GTF2A2: variants seen among roughly 807,000 people sequenced by gnomAD.
GTF2A2 encodes the protein general transcription factor IIA subunit 2.
A neutral mutation model predicts 14.3 loss-of-function variants in GTF2A2; 9 were observed. The ratio of observed to expected loss-of-function variants is 0.63; its 90% confidence interval spans 0.38 to 1.10. The LOEUF (loss-of-function observed/expected upper bound fraction) is 1.10. Among genes scored for constraint, GTF2A2 ranks in the 50% least tolerant of loss-of-function variants. The pLI is 0.01. For missense variants in GTF2A2, 90 were observed against 124.6 expected (o/e 0.72, Z 1.32); for synonymous variants, 56 against 46.0 (o/e 1.22, Z -0.88).
At chr15:59,656,356 T>G (rs1464556276) in intron 1 of GTF2A2, among the ~76,000 whole-genome samples, 2 of 152,156 alleles carry the variant, frequency 1.3e-5, no homozygotes, top group Non-Finnish European at 2.9e-5. Context: ...AGGCTCAAAC[T>G]GACCACCGTC....
intron 4 of GTF2A2, among the ~76,000 whole-genome samples, chr15:59,641,439 A>C (rs1385140840): frequency 6.6e-6 from 1 of 152,154 alleles, no homozygotes; most frequent in African/African-American, 2.4e-5. Context: ...TACTTTCTAC[A>C]TATCTTTCTC....
At chr15:59,648,083 T>C (rs899657408) in intron 3 of GTF2A2, among the ~76,000 whole-genome samples, 4 of 152,164 alleles carry the variant, frequency 2.6e-5, no homozygotes, top group Non-Finnish European at 5.9e-5. Context: ...TATGGGCATA[T>C]GTTCTCCCAA....
At chr15:59,639,553 C>T (rs979940341) in intron 4 of GTF2A2, among the ~76,000 whole-genome samples, 10 of 151,226 alleles carry the variant, frequency 6.6e-5, no homozygotes, top group South Asian at 2.1e-4. Context: ...CTCTGCCCCC[C>T]GGGGGTTCAC....
chr15:59,648,274 G>A (rs1488586330), intron 3 of GTF2A2, among the ~76,000 whole-genome samples: 2 of 151,786 alleles, frequency 1.3e-5, no homozygotes, highest in African/African-American at 4.8e-5. Flanking sequence ...TGGGCGTTGT[G>A]GCGTGTGCCT....
Position 59,649,003 on chromosome 15 carries a change from T to G in GTF2A2, c.177+1666A>C, listed in dbSNP as rs1461077980. Among the ~76,000 whole-genome samples the G allele has an allele frequency of 1.3e-5, 2 of 152,210 alleles. 1 individual carries two copies. Among genetic ancestry groups the G allele is most frequent in the Non-Finnish European group, 2.9e-5 (2 of 68,034 alleles). ...TAACATGCTATATAGGATTATTCTA[T>G]TCTTGTAAAGGATGCTTACTCATTG... On this transcript the variant is annotated intron_variant, in intron 3 of 4. Coordinates refer to ENST00000396060, the MANE Select transcript of GTF2A2 (RefSeq NM_004492.3).
rs199604882 is a variant in GTF2A2 at position 59,643,281 on chromosome 15, C to T, written c.178-1019G>A. ...TTTTAGTAGAGACAGGGTTTCACCA[C>T]GTTAGCCAGGCTGGTCTCAAACTCC... On this transcript the variant is annotated intron_variant, in intron 3 of 4. Transcript: ENST00000396060. 1.9e-4 allele frequency among the ~76,000 whole-genome samples: 29 copies of T among 151,484 alleles called. No homozygotes were observed. The East Asian group carries it at 5.6e-3, about 29-fold the overall frequency.
Position 59,642,308 on chromosome 15 carries a change from TCACA to T in GTF2A2, c.178-50_178-47del, listed in dbSNP as rs775396492. ...AAATACCGTGAAACGTTTTTTCCCC[TCACA>T]TTTTTCTCCAAAGCAATTTAAGAGA... On this transcript the variant is annotated intron_variant, in intron 3 of 4. Coordinates refer to ENST00000396060, the MANE Select transcript of GTF2A2 (RefSeq NM_004492.3). The T allele has an allele frequency of 4.6e-6, 7 of 1,527,708 alleles. No homozygotes were observed. The African/African-American group carries it at 9.8e-5, about 21-fold the overall frequency. 94.6% of individuals were successfully genotyped at this position (1,527,708 alleles called of 1,614,324 possible).
At chr15:59,642,016 T>G (rs534146023) in intron 4 of GTF2A2, 120 bp downstream of exon 4, 4 of 764,440 alleles carry the variant, frequency 5.2e-6, no homozygotes, top group Non-Finnish European at 8.4e-6. Context: ...CCTGGGCTTA[T>G]CTGGGAATTG....
chr15:59,645,501 G>A (rs181314287), intron 3 of GTF2A2, among the ~76,000 whole-genome samples: 3 of 152,298 alleles, frequency 2.0e-5, no homozygotes, highest in African/African-American at 4.8e-5. Flanking sequence ...TACAAATGAT[G>A]CATTAGATTT....
At chr15:59,654,492 G>A (rs185433486) in intron 1 of GTF2A2, among the ~76,000 whole-genome samples, 1 of 152,192 alleles carries the variant, frequency 6.6e-6, no homozygotes, top group Non-Finnish European at 1.5e-5. Flanking sequence ...TCCTCACACT[G>A]CTTTATTTTC....
Position 59,639,128 on chromosome 15 carries a change from C to CTATTCATTCTGTAG in GTF2A2, c.320_*3dup, listed in dbSNP as rs752565234. On this transcript the variant is annotated 3_prime_UTR_variant, in exon 5 of 5. Coordinates refer to ENST00000396060, the MANE Select transcript of GTF2A2 (RefSeq NM_004492.3). ...ATGGTGTAAAAAAGTCATATTTTTT[C>CTATTCATTCTGTAG]TATTCATTCTGTAGTATTGGAGCCA... 3.6e-5 allele frequency: 51 copies of CTATTCATTCTGTAG among 1,430,768 alleles called. No homozygotes were observed. Among genetic ancestry groups the CTATTCATTCTGTAG allele is most frequent in the East Asian group, 2.3e-5 (1 of 43,640 alleles). 88.6% of individuals were successfully genotyped at this position (1,430,768 alleles called of 1,614,324 possible).
rs1222568826 is a variant in GTF2A2, at chr15:59,650,743, G to A, written c.103C>T (p.Gln35Ter). The A allele has an allele frequency of 6.2e-7, 1 of 1,609,548 alleles. No homozygotes were observed. Among genetic ancestry groups the A allele is most frequent in the Non-Finnish European group, 8.5e-7 (1 of 1,176,092 alleles). ...SQQITPQLAL[Q>*]VLLQFDKAIN... The stretch of plus-strand genomic sequence containing the variant: ...GCCTTATCAAACTGAAGTAGAACTT[G>A]AAGGGCAAGTTGGGGGGTGATCTGT... Residue 35 changes from glutamine (Q) to a stop codon, truncating the protein, a stop_gained, in exon 3 of 5, where the codon CAA becomes TAA. Transcript: ENST00000396060. LOFTEE classifies it high-confidence loss of function.
intron 3 of GTF2A2, 59 bp from the exon 4 acceptor site, chr15:59,642,321 C>G (rs1891457759): frequency 6.8e-7 from 1 of 1,473,182 alleles, no homozygotes; most frequent in Non-Finnish European, 9.2e-7. Context: ...CATTTTTCTC[C>G]AAAGCAATTT....
Position 59,639,114 on chromosome 15 carries a change from A to G in GTF2A2, c.*18T>C. 7.3e-7 allele frequency: 1 copy of G among 1,373,684 alleles called. No individual in the cohort carries two copies. Among genetic ancestry groups the G allele is most frequent in the Non-Finnish European group, 1.0e-6 (1 of 963,774 alleles). The allele number at this position is 1,373,684 out of a possible 1,614,324, so 85.1% of individuals were successfully genotyped here. ...ATGAATAACAGAAGATGGTGTAAAAAAGTCATATTTTTTCTATTCATTCTG... is the reference window on the plus strand; with the variant it reads ...ATGAATAACAGAAGATGGTGTAAAAGAGTCATATTTTTTCTATTCATTCTG... On this transcript the variant is annotated 3_prime_UTR_variant, in exon 5 of 5. Transcript: ENST00000396060.
At chr15:59,642,408 T>TA (rs1891460654) in intron 3 of GTF2A2, 146 bp from the exon 4 acceptor site, 2 of 611,728 alleles carry the variant, frequency 3.3e-6, no homozygotes, top group Middle Eastern at 3.5e-4. Context: ...TCCTAGCTAT[T>TA]AAAAAAACAA....
chr15:59,653,381 T>C (rs921210916), intron 1 of GTF2A2, among the ~76,000 whole-genome samples: 3 of 152,102 alleles, frequency 2.0e-5, no homozygotes, highest in Non-Finnish European at 4.4e-5. Flanking sequence ...TCAGCAAAAA[T>C]AATGGCCAGC....
intron 3 of GTF2A2, among the ~76,000 whole-genome samples, chr15:59,648,601 C>A (rs190478070): frequency 2.0e-5 from 3 of 152,044 alleles, no homozygotes; most frequent in African/African-American, 7.2e-5. Context: ...TAACACTCTA[C>A]TAAATAATTT....
intron 1 of GTF2A2, among the ~76,000 whole-genome samples, chr15:59,653,396 A>T (rs1316769748): frequency 1.3e-5 from 2 of 152,246 alleles, no homozygotes; most frequent in Non-Finnish European, 2.9e-5. Flanking sequence ...GCCAGCCATC[A>T]GTCCTTACAT....
At chr15:59,649,826 G>C (rs1388554058) in intron 3 of GTF2A2, among the ~76,000 whole-genome samples, 1 of 152,038 alleles carries the variant, frequency 6.6e-6, no homozygotes, top group African/African-American at 2.4e-5. Flanking sequence ...AGCATGCCTG[G>C]TATGTTAACA....
Sources: gnomAD v4.1 joint callset for allele counts (sites outside exome capture counted in the v4.1 genomes callset) on GRCh38, gnomAD v4.1.1 for gene constraint, MANE v1.5 for transcripts, NCBI Gene and HGNC (gene_info 2026-07-23, HGNC 2026-07-21) for gene names.